Variants in MCM3AP observed in about 807,000 individuals in gnomAD.
MCM3AP encodes minichromosome maintenance complex component 3 associated protein.
In MCM3AP, 126 loss-of-function variants were observed where a neutral mutation model predicts 184.1. The observed-to-expected ratio is 0.68, with a 90% CI of 0.59 to 0.79. MCM3AP has a LOEUF of 0.79. MCM3AP is among the 30% of genes least tolerant of loss of function. The pLI is 0.00. For synonymous variants in MCM3AP, 1,002 were observed against 979.3 expected (o/e 1.02, Z -0.43); for missense variants, 2,496 against 2,479.2 (o/e 1.01, Z -0.14).
At chr21:46,274,566 C>T (rs902925466) in intron 6 of MCM3AP, among the ~76,000 whole-genome samples, 8 of 152,124 alleles carry the variant, frequency 5.3e-5, no homozygotes, top group Admixed American at 4.6e-4. Flanking sequence ...AAAAGATACA[C>T]ATAAAATTGT....
At chr21:46,254,147 T>C (rs1569061547) in intron 19 of MCM3AP, 1 of 537,002 alleles carries the variant, frequency 1.9e-6, no homozygotes, top group African/African-American at 1.9e-5. Context: ...CAGTCTCAGA[T>C]ATTTCTTTAA....
Position 46,285,221 on chromosome 21 carries a change from T to C in MCM3AP, c.66A>G (p.Val22=), listed in dbSNP as rs761703925. The C allele has an allele frequency of 2.5e-6, 4 of 1,614,102 alleles. No homozygotes were observed. The highest frequency in any genetic ancestry group is 1.7e-5 in the Admixed American group (1 of 60,012). ...ATGGCGGCTTAGATGGAAGTGTTCC[T>C]ACATTACTAGAAGACGCCGAAAAAG... ...PSAFSASSSN[V]GTLPSKPPFR... is the part of the protein sequence containing the mutation. Residue 22 remains valine (V), a synonymous_variant, in exon 1 of 28, where the codon GTA becomes GTG. Coordinates refer to ENST00000291688, the MANE Select transcript of MCM3AP (RefSeq NM_003906.5).
Position 46,280,272 on chromosome 21 carries a change from T to A in MCM3AP, c.1523-135A>T, listed in dbSNP as rs1167827005. On this transcript the variant is annotated intron_variant, in intron 3 of 27. Transcript: ENST00000291688. ...TTAGAGAAGAGCCCAAGGAAATAAC[T>A]GTGAGATGCAAATCCACTGAGAGCC... The A allele has an allele frequency of 2.8e-6, 3 of 1,055,206 alleles. No homozygotes were observed. The Admixed American group carries it at 6.8e-5, about 24-fold the overall frequency. 65.4% of individuals were successfully genotyped at this position (1,055,206 alleles called of 1,614,324 possible). A position where few individuals can be genotyped will look rare whatever the true frequency, so the allele number is the denominator to read the frequency against.
At chr21:46,264,343 G>A (rs750427625) in intron 12 of MCM3AP, 126 bp from the exon 13 acceptor site, 15 of 622,050 alleles carry the variant, frequency 2.4e-5, no homozygotes, top group Non-Finnish European at 4.0e-5. Context: ...ACACGGGGTC[G>A]GCTAGGCTGT....
rs375359564 is a variant in MCM3AP at position 46,275,597 on chromosome 21, C to CGA, written c.1859-274_1859-273dup. On this transcript the variant is annotated intron_variant, in intron 5 of 27. Coordinates refer to ENST00000291688, the MANE Select transcript of MCM3AP (RefSeq NM_003906.5). ...CACTGCAGACTAAGAGAAAGACCCCCGAGTCACCTCTCCAACAGTCACAGA... is the reference window on the plus strand; with the variant it reads ...CACTGCAGACTAAGAGAAAGACCCCCGAGAGTCACCTCTCCAACAGTCACAGA... Among the ~76,000 whole-genome samples the CGA allele has an allele frequency of 5.5e-3, 837 of 152,088 alleles. 3 individuals carry two copies. The highest frequency in any genetic ancestry group is 8.5e-3 in the Non-Finnish European group (576 of 67,974).
Position 46,284,276 on chromosome 21 carries a change from T to C in MCM3AP, c.1011A>G (p.Leu337=). Residue 337 remains leucine, a synonymous_variant, in exon 1 of 28, where the codon TTA becomes TTG. Transcript: ENST00000291688. ...VRLNRPRGGT[L]FGRTIQDVFK... ...AAACATCCTGTATCGTCCGACCAAA[T>C]AAAGTACCTCCCCGGGGTCGATTCA... 1 of 1,614,168 alleles carries C rather than the reference T, an allele frequency of 6.2e-7. No individual in the cohort carries two copies.
chr21:46,237,028 A>G, intron 26 of MCM3AP, 49 bp from the exon 27 acceptor site: 1 of 1,207,840 alleles, frequency 8.3e-7, no homozygotes, highest in East Asian at 2.8e-5. Flanking sequence ...TTAGGAAGTT[A>G]ACTATTGTTC....
At chr21:46,266,850 T>C in intron 10 of MCM3AP, 132 bp downstream of exon 10, 1 of 956,466 alleles carries the variant, frequency 1.0e-6, no homozygotes, top group Non-Finnish European at 1.5e-6. Flanking sequence ...CTGAGTCTCG[T>C]GTGTTCACCT....
chr21:46,253,593 G>A (rs1271763406), intron 19 of MCM3AP: 1 of 151,902 alleles, frequency 6.6e-6, no homozygotes, highest in African/African-American at 2.4e-5. Flanking sequence ...ATGATAGTGA[G>A]CTCTCACGAG....
intron 24 of MCM3AP, 113 bp from the exon 25 acceptor site, chr21:46,243,044 C>T (rs1206893534): frequency 9.3e-6 from 9 of 966,804 alleles, no homozygotes; most frequent in East Asian, 7.4e-5. Flanking sequence ...ATTTAAACAG[C>T]GACAGGTGGC....
intron 5 of MCM3AP, among the ~76,000 whole-genome samples, chr21:46,276,535 G>T (rs902454102): frequency 6.6e-6 from 1 of 151,214 alleles, no homozygotes; most frequent in Non-Finnish European, 1.5e-5. Flanking sequence ...TCAGCCTCCC[G>T]GGTTCAAGCC....
intron 2 of MCM3AP, 112 bp downstream of exon 2, chr21:46,283,494 TATTTGAGTA>T: frequency 1.5e-6 from 1 of 651,656 alleles, no homozygotes; most frequent in East Asian, 2.7e-5. Flanking sequence ...GCTAATAAGA[TATTTGAGTA>T]CTTTCTCTAT....
rs753953497 is a variant in MCM3AP at position 46,285,305 on chromosome 21, G to C, written c.-19C>G. ...GGTTCATCTTCTGCTCCAATTATTA[G>C]AAGGTAATTAAGTATTATGTGTACA... On this transcript the variant is annotated 5_prime_UTR_variant, in exon 1 of 28. Transcript: ENST00000291688. 1.3e-6 allele frequency: 2 copies of C among 1,555,596 alleles called. No individual in the cohort carries two copies. Among genetic ancestry groups the C allele is most frequent in the Non-Finnish European group, 1.8e-6 (2 of 1,129,254 alleles).
Position 46,273,498 on chromosome 21 carries a change from CT to C in MCM3AP, c.2085del (p.Val696CysfsTer10). 3 of 1,613,974 alleles carry C rather than the reference CT, an allele frequency of 1.9e-6. No individual in the cohort carries two copies. In the African/African-American group the frequency reaches 4.0e-5, roughly 22 times the overall value. On this transcript the variant is annotated frameshift_variant, in exon 7 of 28. Coordinates refer to ENST00000291688, the MANE Select transcript of MCM3AP (RefSeq NM_003906.5). LOFTEE classifies it high-confidence loss of function. ...EPLPHELRPL[P>X]VLSRTMDYLV... ...AGGTAGTCCATGGTCCTGCTGAGCA[CT>C]GGCAAGGGCCGCAGCTCGTGGGGCA... is the stretch of plus-strand genomic sequence containing the variant.
intron 25 of MCM3AP, chr21:46,241,450 G>A (rs1281585493): frequency 6.4e-6 from 1 of 156,826 alleles, no homozygotes; most frequent in Non-Finnish European, 1.4e-5. Context: ...TGAGAGAGAA[G>A]GCATCTGACA....
intron 2 of MCM3AP, 149 bp from the exon 3 acceptor site, chr21:46,280,724 C>T (rs938676411): frequency 7.0e-5 from 43 of 610,292 alleles, no homozygotes; most frequent in African/African-American, 6.6e-4. Flanking sequence ...TCCACCCACA[C>T]GTCTGCTAAC....
intron 6 of MCM3AP, among the ~76,000 whole-genome samples, chr21:46,274,123 C>G (rs866052226): frequency 6.6e-6 from 1 of 152,240 alleles, no homozygotes; most frequent in South Asian, 2.1e-4. Flanking sequence ...TCTCCTGGGG[C>G]AGGGGCCCTA....
chr21:46,251,596 G>T lies in MCM3AP; in HGVS notation c.4223C>A (p.Thr1408Lys), dbSNP rs539917903. ...GCTAAGTGAGTTGAAAAGCGAAAGC[G>T]TCTGAATCCCACCAGCATCGCTGGA... is the stretch of plus-strand genomic sequence containing the variant. ...DTSSDAGGIQTLSLFNSLSSK... is the reference protein window; with the variant it reads ...DTSSDAGGIQKLSLFNSLSSK... The change falls in exon 20 of 28, where the codon ACG (threonine) becomes AAG (lysine). Residue 1408 changes from threonine to lysine, a missense_variant. Thr to Lys is a moderately conservative substitution (Grantham distance 78). Around this residue, in one of 5 missense-constraint regions of MCM3AP, gnomAD observed 1,323 missense variants for 1,273.4 expected, o/e 1.04. Transcript: ENST00000291688. 38 of 1,612,550 alleles carry T rather than the reference G, an allele frequency of 2.4e-5. No homozygotes were observed. Among genetic ancestry groups the T allele is most frequent in the Non-Finnish European group, 2.9e-5 (34 of 1,178,784 alleles).
Position 46,272,597 on chromosome 21 carries a change from T to G in MCM3AP, c.2429A>C (p.Asn810Thr), listed in dbSNP as rs750793341. The G allele has an allele frequency of 1.2e-6, 2 of 1,614,208 alleles. No individual in the cohort carries two copies. Among genetic ancestry groups the G allele is most frequent in the Non-Finnish European group, 1.7e-6 (2 of 1,180,024 alleles). Residue 810 changes from asparagine (N) to threonine (T), a missense_variant, in exon 8 of 28, where the codon AAT (asparagine) becomes ACT (threonine). Coordinates refer to ENST00000291688, the MANE Select transcript of MCM3AP (RefSeq NM_003906.5). ...CASEAEFQGYNVLLSLNKGDI... is the reference protein window; with the variant it reads ...CASEAEFQGYTVLLSLNKGDI... ...TCCCTTGTTGAGACTGAGCAGAACA[T>G]TGTAGCCCTGGAACTCCGCTTCGCT...
Sources: gnomAD v4.1 joint callset for allele counts (sites outside exome capture counted in the v4.1 genomes callset) on GRCh38, gnomAD v4.1.1 for gene constraint, gnomAD v4.1.1 regional missense constraint, MANE v1.5 for transcripts, NCBI Gene and HGNC (gene_info 2026-07-23, HGNC 2026-07-21) for gene names.